ASIC2: variants seen among roughly 807,000 people sequenced by gnomAD.
The protein encoded by ASIC2 is acid sensing ion channel subunit 2, also known as acid-sensing ion channel 2.
ASIC2 carries 25 observed loss-of-function variants against 57.3 expected under a neutral mutation model. The ratio of observed to expected loss-of-function variants is 0.44; its 90% CI spans 0.32 to 0.61. The LOEUF is 0.61. Ranked by LOEUF, ASIC2 falls within the 20% of genes least tolerant of loss-of-function variation. The probability of loss-of-function intolerance (pLI) is 0.06; values close to 1 mark genes in which losing one functional copy is unlikely to be tolerated. For missense variants in ASIC2, 641 were observed against 738.1 expected (o/e 0.87, Z 1.52); for synonymous variants, 319 against 307.5 (o/e 1.04, Z -0.39).
At chr17:33,592,520 C>A (rs1167723074) in intron 1 of ASIC2, among the ~76,000 whole-genome samples, 1 of 152,262 alleles carries the variant, frequency 6.6e-6, no homozygotes, top group African/African-American at 2.4e-5. Flanking sequence ...TCACTGATAA[C>A]ATCCACTTGC....
intron 1 of ASIC2, among the ~76,000 whole-genome samples, chr17:33,365,375 T>A (rs756453352): frequency 2.7e-5 from 4 of 146,348 alleles, no homozygotes; most frequent in African/African-American, 7.3e-5. Context: ...GGGTAGTAAC[T>A]GGGTCTTGTT....
chr17:33,838,752 T>C (rs878877794), intron 1 of ASIC2, among the ~76,000 whole-genome samples: 1 of 152,152 alleles, frequency 6.6e-6, no homozygotes. Context: ...GAATGCCCAT[T>C]AAAATCACCT....
At chr17:33,782,742 C>A (rs1911493583) in intron 1 of ASIC2, among the ~76,000 whole-genome samples, 1 of 152,130 alleles carries the variant, frequency 6.6e-6, no homozygotes, top group Non-Finnish European at 1.5e-5. Context: ...ACTACTCCCC[C>A]ACCAAAAGAA....
intron 1 of ASIC2, among the ~76,000 whole-genome samples, chr17:33,703,776 C>A (rs1215837775): frequency 6.6e-6 from 1 of 152,184 alleles, no homozygotes; most frequent in African/African-American, 2.4e-5. Context: ...CTCCCCTGTT[C>A]TGCTCCCAGA....
At chr17:33,124,061 C>T (rs995057132) in intron 1 of ASIC2, among the ~76,000 whole-genome samples, 1 of 152,206 alleles carries the variant, frequency 6.6e-6, no homozygotes, top group Non-Finnish European at 1.5e-5. Flanking sequence ...ATTCTAAAAG[C>T]TGATCAAGAA....
At chr17:33,400,774 C>G (rs772850031) in intron 1 of ASIC2, among the ~76,000 whole-genome samples, 2 of 152,174 alleles carry the variant, frequency 1.3e-5, no homozygotes, top group Non-Finnish European at 2.9e-5. Context: ...CCTGTCCTCA[C>G]TGTTGACTCT....
intron 1 of ASIC2, among the ~76,000 whole-genome samples, chr17:34,010,509 T>C (rs993395981): frequency 5.9e-5 from 9 of 152,174 alleles, no homozygotes; most frequent in African/African-American, 2.4e-5. Flanking sequence ...CTGGGACTGA[T>C]GCCTTCTTTT....
chr17:33,289,589 T>C (rs1440585872), intron 1 of ASIC2, among the ~76,000 whole-genome samples: 2 of 152,182 alleles, frequency 1.3e-5, no homozygotes, highest in African/African-American at 2.4e-5. Flanking sequence ...GTGGTTTCTG[T>C]GTAATGCAAT....
intron 1 of ASIC2, among the ~76,000 whole-genome samples, chr17:34,122,219 C>T (rs1234308948): frequency 6.6e-6 from 1 of 152,170 alleles, no homozygotes; most frequent in East Asian, 1.9e-4. Flanking sequence ...GTCAGTCAAG[C>T]ATCATTATCT....
intron 1 of ASIC2, among the ~76,000 whole-genome samples, chr17:33,495,762 G>A (rs1451407902): frequency 6.6e-6 from 1 of 152,168 alleles, no homozygotes; most frequent in Admixed American, 6.5e-5. Flanking sequence ...GGGGAGGCCT[G>A]CCATGGAGAA....
At chr17:33,825,429 A>G (rs1912876527) in intron 1 of ASIC2, among the ~76,000 whole-genome samples, 1 of 152,174 alleles carries the variant, frequency 6.6e-6, no homozygotes, top group African/African-American at 2.4e-5. Flanking sequence ...CTGTGACACA[A>G]TCATCATTCC....
intron 1 of ASIC2, among the ~76,000 whole-genome samples, chr17:33,407,308 A>G (rs747898743): frequency 1.9e-4 from 29 of 152,222 alleles, no homozygotes; most frequent in Non-Finnish European, 3.8e-4. Context: ...CTTTGATTCC[A>G]GGGTTTGTTC....
At chr17:33,747,129 G>T (rs1000667561) in intron 1 of ASIC2, among the ~76,000 whole-genome samples, 9 of 151,196 alleles carry the variant, frequency 6.0e-5, no homozygotes, top group Non-Finnish European at 1.3e-4. Flanking sequence ...AATGTACTTT[G>T]TAGATTGTCT....
chr17:34,089,602 T>A (rs767344373), intron 1 of ASIC2, among the ~76,000 whole-genome samples: 7 of 152,178 alleles, frequency 4.6e-5, no homozygotes, highest in African/African-American at 7.2e-5. Context: ...AATGCAGGAT[T>A]GATTCTGTAC....
chr17:34,006,104 C>G (rs980179696), intron 1 of ASIC2: 2 of 152,176 alleles, frequency 1.3e-5, no homozygotes, highest in East Asian at 1.9e-4. Flanking sequence ...TTGTGAAACA[C>G]GTGAAGGATG....
At chr17:33,209,204 CTCTT>C (rs1907182478) in intron 1 of ASIC2, among the ~76,000 whole-genome samples, 1 of 152,218 alleles carries the variant, frequency 6.6e-6, no homozygotes, top group African/African-American at 2.4e-5. Flanking sequence ...GACTTTCTGA[CTCTT>C]TCTCCCAGTC....
intron 1 of ASIC2, among the ~76,000 whole-genome samples, chr17:34,146,179 C>T (rs1054224364): frequency 5.3e-5 from 8 of 152,166 alleles, no homozygotes; most frequent in African/African-American, 1.9e-4. Flanking sequence ...CAGAGAGATG[C>T]TCATTTGAGT....
intron 1 of ASIC2, among the ~76,000 whole-genome samples, chr17:33,787,470 C>A (rs1237335230): frequency 1.3e-5 from 2 of 152,072 alleles, no homozygotes; most frequent in Non-Finnish European, 2.9e-5. Flanking sequence ...GAGCGTGAAG[C>A]CATATGTTAC....
chr17:33,583,707 C>G (rs1904518825), intron 1 of ASIC2, among the ~76,000 whole-genome samples: 1 of 152,056 alleles, frequency 6.6e-6, no homozygotes, highest in African/African-American at 2.4e-5. Context: ...CAGAACATGC[C>G]CAGATTATTT....
Sources: allele counts gnomAD v4.1 joint callset (sites outside exome capture counted in the v4.1 genomes callset), GRCh38; gene constraint gnomAD v4.1.1; transcripts MANE v1.5; gene names NCBI Gene and HGNC (gene_info 2026-07-23, HGNC 2026-07-21).